Variants in PTPRJ observed in about 807,000 individuals in gnomAD.
The protein encoded by PTPRJ is protein tyrosine phosphatase receptor type J.
Under a neutral mutation model 141.3 loss-of-function variants are expected in PTPRJ, and 129 were observed. That is an observed-to-expected ratio of 0.91 (90% CI 0.79 to 1.06). The LOEUF is 1.06. Among genes scored for constraint, PTPRJ ranks in the 50% least tolerant of loss-of-function variants. The pLI is 0.00. For synonymous variants in PTPRJ, 610 were observed against 640.5 expected, an observed-to-expected ratio of 0.95 and a Z score of 0.72; for missense variants, 1,601 against 1,679.7, an observed-to-expected ratio of 0.95 and a Z score of 0.82.
At chr11:48,016,963 G>A (rs748505827) in intron 1 of PTPRJ, among the ~76,000 whole-genome samples, 49 of 151,678 alleles carry the variant, frequency 3.2e-4, no homozygotes, top group Non-Finnish European at 5.9e-4. Context: ...AGGGTCTCAT[G>A]TTGTGGCCCA....
intron 1 of PTPRJ, among the ~76,000 whole-genome samples, chr11:48,031,127 T>A (rs1220124550): frequency 6.6e-6 from 1 of 152,250 alleles, no homozygotes. Flanking sequence ...GACCATTGCC[T>A]GTTAGATTCT....
At chr11:48,117,650 C>G (rs765696462) in intron 3 of PTPRJ, among the ~76,000 whole-genome samples, 7 of 148,794 alleles carry the variant, frequency 4.7e-5, no homozygotes, top group Non-Finnish European at 1.0e-4. Context: ...AGTAAATAAC[C>G]TAATGTAGCA....
At chr11:48,154,486 C>G (rs886124199) in intron 19 of PTPRJ, among the ~76,000 whole-genome samples, 1 of 152,104 alleles carries the variant, frequency 6.6e-6, no homozygotes, top group African/African-American at 2.4e-5. Flanking sequence ...TACATCAAAC[C>G]ATTAGATGAA....
chr11:48,131,162 C>T (rs1856973940), intron 8 of PTPRJ, among the ~76,000 whole-genome samples: 1 of 146,184 alleles, frequency 6.8e-6, no homozygotes, highest in South Asian at 2.2e-4. Flanking sequence ...ACTGCAACCT[C>T]CATCTCCTGG....
At chr11:48,164,258 C>A in intron 23 of PTPRJ, 122 bp from the exon 24 acceptor site, 1 of 1,243,832 alleles carries the variant, frequency 8.0e-7, no homozygotes, top group Non-Finnish European at 1.1e-6. Context: ...TGTACTGATC[C>A]TGTGCATTGC....
At chr11:48,146,691 G>A (rs890731540) in intron 14 of PTPRJ, among the ~76,000 whole-genome samples, 185 bp from the exon 15 acceptor site, 1 of 152,148 alleles carries the variant, frequency 6.6e-6, no homozygotes, top group Non-Finnish European at 1.5e-5. Flanking sequence ...GCATAGACTA[G>A]TTTTAGGTCC....
At chr11:48,103,318 G>A (rs1198291437) in intron 1 of PTPRJ, among the ~76,000 whole-genome samples, 1 of 152,088 alleles carries the variant, frequency 6.6e-6, no homozygotes. Flanking sequence ...TATTAGCTGG[G>A]TATAGTGGGA....
intron 1 of PTPRJ, among the ~76,000 whole-genome samples, chr11:48,079,415 C>T (rs577235674): frequency 6.0e-5 from 9 of 150,550 alleles, no homozygotes; most frequent in Admixed American, 4.6e-4. Flanking sequence ...TCATGACGCT[C>T]GTGTGTGTGT....
At chr11:48,147,935 C>T (rs1445251917) in intron 15 of PTPRJ, among the ~76,000 whole-genome samples, 1 of 152,056 alleles carries the variant, frequency 6.6e-6, no homozygotes, top group African/African-American at 2.4e-5. Flanking sequence ...CAACCTCTGC[C>T]TCCTGGTTCA....
intron 5 of PTPRJ, among the ~76,000 whole-genome samples, chr11:48,124,448 G>A (rs997904150): frequency 9.9e-5 from 15 of 151,998 alleles, no homozygotes; most frequent in Non-Finnish European, 1.5e-5. Flanking sequence ...AAGAGATGAG[G>A]CAATTCTCAT....
intron 1 of PTPRJ, among the ~76,000 whole-genome samples, chr11:47,983,985 C>T (rs1853980327): frequency 6.6e-6 from 1 of 152,174 alleles, no homozygotes; most frequent in Non-Finnish European, 1.5e-5. Flanking sequence ...ATTTTGACTC[C>T]TCTTTAAACT....
chr11:48,029,941 G>A (rs948907208), intron 1 of PTPRJ, among the ~76,000 whole-genome samples: 3 of 152,188 alleles, frequency 2.0e-5, no homozygotes, highest in Non-Finnish European at 4.4e-5. Context: ...TCCCACCACT[G>A]GACTCACAAA....
chr11:47,980,826 C>A lies in PTPRJ; in HGVS notation c.-87C>A. The A allele has an allele frequency of 9.5e-7, 1 of 1,054,406 alleles. No homozygotes were observed. The highest frequency in any genetic ancestry group is 4.5e-5 in the South Asian group (1 of 22,344). The allele number at this position is 1,054,406 out of a possible 1,614,324, so 65.3% of individuals were successfully genotyped here. A position where few individuals can be genotyped will look rare whatever the true frequency, so the allele number is the denominator to read the frequency against. ...GCGGAGGAGGAGGCGAAGGAGACGG[C>A]AGGAGGCGGCGACGACGGTGCCCGG... On this transcript the variant is annotated 5_prime_UTR_variant, in exon 1 of 25. Transcript: ENST00000418331.
intron 12 of PTPRJ, 62 bp from the exon 13 acceptor site, chr11:48,144,613 C>T (rs1857309587): frequency 1.5e-6 from 2 of 1,317,730 alleles, no homozygotes; most frequent in South Asian, 1.2e-5. Flanking sequence ...TGTAGATATG[C>T]AGGAGAAGAA....
At chr11:48,005,484 A>G (rs1258934395) in intron 1 of PTPRJ, among the ~76,000 whole-genome samples, 3 of 152,324 alleles carry the variant, frequency 2.0e-5, no homozygotes, top group African/African-American at 7.2e-5. Flanking sequence ...TTCGCCTAGC[A>G]TAGTGTTTTC....
At chr11:48,055,197 A>G (rs9734041) in intron 1 of PTPRJ, among the ~76,000 whole-genome samples, 1 of 151,854 alleles carries the variant, frequency 6.6e-6, no homozygotes, top group Admixed American at 6.6e-5. Context: ...AAATAAAAAA[A>G]AAATAAATAA....
In PTPRJ at chr11:48,163,495, A is replaced by G. The variant is rs1307045750; in HGVS notation, c.3596A>G (p.His1199Arg). The change falls in exon 23 of 25, where the codon CAT (histidine) becomes CGT (arginine). Residue 1199 changes from histidine to arginine, a missense_variant. Physicochemically the swap from His to Arg is conservative, Grantham distance 29. Coordinates refer to ENST00000418331, the MANE Select transcript of PTPRJ (RefSeq NM_002843.4). Reference sequence around the variant, plus strand: ...GAGAGTCACCCTCTGAGACAGTTCCATTTCACCTCCTGGCCAGACCACGGT... The same window carrying G: ...GAGAGTCACCCTCTGAGACAGTTCCGTTTCACCTCCTGGCCAGACCACGGT... ...TSESHPLRQFHFTSWPDHGVP... is the reference protein window; with the variant it reads ...TSESHPLRQFRFTSWPDHGVP... 3 of 1,613,902 alleles carry G rather than the reference A, an allele frequency of 1.9e-6. No homozygotes were observed. The highest frequency in any genetic ancestry group is 1.7e-6 in the Non-Finnish European group (2 of 1,179,956).
At chr11:48,086,301 A>G (rs1855708040) in intron 1 of PTPRJ, among the ~76,000 whole-genome samples, 1 of 152,150 alleles carries the variant, frequency 6.6e-6, no homozygotes, top group African/African-American at 2.4e-5. Context: ...CTTCCCGAGT[A>G]GCTGGGATTA....
At chr11:48,017,582 C>G (rs1383044132) in intron 1 of PTPRJ, among the ~76,000 whole-genome samples, 5 of 151,826 alleles carry the variant, frequency 3.3e-5, no homozygotes, top group Non-Finnish European at 7.4e-5. Context: ...TGGCTTATGT[C>G]CCACCTGAGA....
Sources: gnomAD v4.1 joint callset for allele counts (sites outside exome capture counted in the v4.1 genomes callset) on GRCh38, gnomAD v4.1.1 for gene constraint, MANE v1.5 for transcripts, NCBI Gene and HGNC (gene_info 2026-07-23, HGNC 2026-07-21) for gene names.